The following NUP214 variants were observed in gnomAD, a reference collection of about 807,000 sequenced individuals.
NUP214 encodes the protein nucleoporin 214.
Under a neutral mutation model 196.2 loss-of-function variants are expected in NUP214, and 79 were observed. The observed-to-expected ratio is 0.40, with a 90% CI of 0.34 to 0.49. NUP214 has a LOEUF of 0.49. Among genes scored for constraint, NUP214 ranks in the 20% least tolerant of loss-of-function variants. The probability of loss-of-function intolerance (pLI) is 0.58; values close to 1 mark genes in which losing one functional copy is unlikely to be tolerated. For missense variants in NUP214, 2,468 were observed against 2,539.0 expected, an observed-to-expected ratio of 0.97 and a Z score of 0.60; for synonymous variants, 1,020 against 990.5, an observed-to-expected ratio of 1.03 and a Z score of -0.56.
At chr9:131,223,727 A>ATTTATTTATTTATTTTTTTT in intron 32 of NUP214, among the ~76,000 whole-genome samples, 3 of 15,660 alleles carry the variant, frequency 1.9e-4, no homozygotes, top group African/African-American at 4.5e-4. Context: ...TTATTTATTT[A>ATTTATTTATTTATTTTTTTT]TTTTTTTTTT....
intron 26 of NUP214, among the ~76,000 whole-genome samples, chr9:131,189,604 A>G (rs1169012450): frequency 2.6e-5 from 4 of 152,236 alleles, no homozygotes; most frequent in African/African-American, 9.6e-5. Context: ...GTAAGATCTC[A>G]GAGTATATAA....
chr9:131,148,808 A>T (rs1832161626), intron 14 of NUP214, among the ~76,000 whole-genome samples: 1 of 152,176 alleles, frequency 6.6e-6, no homozygotes, highest in Non-Finnish European at 1.5e-5. Flanking sequence ...ACACACATAC[A>T]GTGCAAATAT....
chr9:131,151,455 G>A (rs1832261087), intron 16 of NUP214, among the ~76,000 whole-genome samples: 1 of 152,188 alleles, frequency 6.6e-6, no homozygotes, highest in Admixed American at 6.5e-5. Context: ...TAGAGTGTTA[G>A]CAGTAATTAT....
intron 30 of NUP214, among the ~76,000 whole-genome samples, chr9:131,214,744 A>G (rs552487912): frequency 1.3e-5 from 2 of 152,370 alleles, no homozygotes; most frequent in South Asian, 4.1e-4. Flanking sequence ...GTCATTATGA[A>G]ATAAAAGTGC....
At chr9:131,128,215 T>G in intron 2 of NUP214, 117 bp from the exon 3 acceptor site, 2 of 692,514 alleles carry the variant, frequency 2.9e-6, no homozygotes, top group Non-Finnish European at 4.8e-6. Flanking sequence ...AACTAGGTAT[T>G]GGGGTGTATG....
intron 17 of NUP214, among the ~76,000 whole-genome samples, chr9:131,155,231 G>A (rs917642884): frequency 2.0e-5 from 3 of 152,092 alleles, no homozygotes; most frequent in Non-Finnish European, 4.4e-5. Flanking sequence ...ATTTGCATTT[G>A]CCTGATAATT....
chr9:131,198,836 C>G lies in NUP214; in HGVS notation c.5342C>G (p.Ser1781Cys), dbSNP rs1332389014. ...GGTGCCGCCTCAAGTACCAGTAGCT[C>G]CAGTTCCTTCTCATTTGGACAGTCT... ...VFGAASSTSSSSSFSFGQSSP... is the reference protein window; with the variant it reads ...VFGAASSTSSCSSFSFGQSSP... The change falls in exon 29 of 36, where the codon TCC becomes TGC. Residue 1781 changes from serine to cysteine, a missense_variant. Physicochemically the swap from Ser to Cys is moderately radical, Grantham distance 112. Coordinates refer to ENST00000359428, the MANE Select transcript of NUP214 (RefSeq NM_005085.4). The G allele has an allele frequency of 6.2e-7, 1 of 1,614,208 alleles. No homozygotes were observed. Among genetic ancestry groups the G allele is most frequent in the Non-Finnish European group, 8.5e-7 (1 of 1,180,034 alleles).
intron 17 of NUP214, chr9:131,153,287 A>G (rs921220613): frequency 4.6e-5 from 7 of 151,908 alleles, no homozygotes; most frequent in Admixed American, 4.6e-4. Flanking sequence ...GCCTCAGAGA[A>G]TTTGAGGCCT....
intron 33 of NUP214, chr9:131,228,953 C>T (rs1834798130): frequency 6.6e-6 from 1 of 152,116 alleles, no homozygotes; most frequent in African/African-American, 2.4e-5. Flanking sequence ...TGCCAAAACC[C>T]CAAGGGAAAA....
At chr9:131,186,268 A>G (rs1316502442) in intron 24 of NUP214, among the ~76,000 whole-genome samples, 1 of 152,206 alleles carries the variant, frequency 6.6e-6, no homozygotes, top group African/African-American at 2.4e-5. Context: ...AGAAGCATGA[A>G]ACGGGTTTTG....
chr9:131,185,251 G>T (rs191267655), intron 24 of NUP214, among the ~76,000 whole-genome samples: 2 of 152,296 alleles, frequency 1.3e-5, no homozygotes, highest in African/African-American at 4.8e-5. Flanking sequence ...TGCCTCTGTT[G>T]GCATGTAGTG....
At chr9:131,192,408 G>A (rs4602942) in intron 27 of NUP214, 116 bp downstream of exon 27, 560,285 of 565,374 alleles carry the variant, frequency 0.99, 277,832 homozygotes, top group East Asian at 1. Context: ...AGTTCTTACC[G>A]TGGCAGTAAT....
At chr9:131,159,734 A>G (rs1230526528) in intron 18 of NUP214, among the ~76,000 whole-genome samples, 2 of 151,680 alleles carry the variant, frequency 1.3e-5, no homozygotes, top group African/African-American at 2.4e-5. Flanking sequence ...GCACATGCCT[A>G]TAATCCCAGC....
chr9:131,154,763 G>T (rs1258243099), intron 17 of NUP214, among the ~76,000 whole-genome samples: 3 of 152,220 alleles, frequency 2.0e-5, no homozygotes, highest in Non-Finnish European at 4.4e-5. Flanking sequence ...ATGGTCTCCA[G>T]CTCCATCTAG....
At chr9:131,168,817 A>G (rs957036923) in intron 21 of NUP214, among the ~76,000 whole-genome samples, 2 of 152,104 alleles carry the variant, frequency 1.3e-5, no homozygotes, top group Non-Finnish European at 2.9e-5. Context: ...TCCTAACACT[A>G]TTTATTGAAA....
intron 32 of NUP214, among the ~76,000 whole-genome samples, chr9:131,223,711 T>TTTATTTATTTATTTATTTA (rs1834629802): frequency 3.7e-5 from 1 of 27,136 alleles, no homozygotes; most frequent in East Asian, 1.8e-3. Context: ...TTTTTTTTAT[T>TTTATTTATTTATTTATTTA]TTTATTTATT....
chr9:131,212,054 GC>G (rs2131074145), intron 30 of NUP214, among the ~76,000 whole-genome samples: 1 of 152,294 alleles, frequency 6.6e-6, no homozygotes, highest in Admixed American at 6.5e-5. Flanking sequence ...GAAAGAGAAT[GC>G]ATTCCTAGGG....
chr9:131,152,490 TATAA>T (rs1055468985), intron 17 of NUP214, among the ~76,000 whole-genome samples: 4 of 151,202 alleles, frequency 2.6e-5, no homozygotes, highest in East Asian at 1.9e-4. Flanking sequence ...AAATAATAAT[TATAA>T]ATAAATAATA....
intron 17 of NUP214, chr9:131,159,119 G>T: frequency 4.5e-6 from 2 of 449,436 alleles, no homozygotes; most frequent in Non-Finnish European, 7.8e-6. Context: ...TTGCTGTGTT[G>T]CCCAGGCTGA....
Sources: gnomAD v4.1 joint callset for allele counts (sites outside exome capture counted in the v4.1 genomes callset) on GRCh38, gnomAD v4.1.1 for gene constraint, MANE v1.5 for transcripts, NCBI Gene and HGNC (gene_info 2026-07-23, HGNC 2026-07-21) for gene names.